The following CNTNAP4 variants were observed in gnomAD, a reference collection of about 807,000 sequenced individuals.
CNTNAP4 encodes contactin-associated protein-like 4.
A neutral mutation model predicts 148.4 loss-of-function variants in CNTNAP4; 98 were observed. The ratio of observed to expected loss-of-function variants is 0.66; its 90% CI spans 0.56 to 0.78. The LOEUF is 0.78. Ranked by LOEUF, CNTNAP4 falls within the 30% of genes least tolerant of loss-of-function variation. The pLI, the probability that CNTNAP4 is intolerant of heterozygous loss-of-function variation, is 0.00. For synonymous variants in CNTNAP4, 730 were observed against 565.1 expected (o/e 1.29, Z -4.14); for missense variants, 1,935 against 1,565.6 (o/e 1.24, Z -3.98).
At chr16:76,324,165 G>A (rs901890643) in intron 2 of CNTNAP4, among the ~76,000 whole-genome samples, 4 of 152,132 alleles carry the variant, frequency 2.6e-5, no homozygotes, top group Admixed American at 2.6e-4. Context: ...GGATGCTCCC[G>A]CCTTAGGAGA....
intron 12 of CNTNAP4, among the ~76,000 whole-genome samples, chr16:76,486,244 T>C (rs2082021277): frequency 6.6e-6 from 1 of 152,164 alleles, no homozygotes; most frequent in African/African-American, 2.4e-5. Context: ...TAAAAGATAA[T>C]TGGTAATAAA....
intron 21 of CNTNAP4, among the ~76,000 whole-genome samples, chr16:76,543,292 T>C (rs1202733590): frequency 6.6e-6 from 1 of 152,204 alleles, no homozygotes; most frequent in Non-Finnish European, 1.5e-5. Flanking sequence ...TTTTGTGTGG[T>C]ATATGAATTT....
chr16:76,332,777 C>T (rs1159194631), intron 2 of CNTNAP4, among the ~76,000 whole-genome samples: 1 of 151,938 alleles, frequency 6.6e-6, no homozygotes, highest in African/African-American at 2.4e-5. Context: ...TGATCCTAGC[C>T]AACCAGCTTT....
Position 76,400,894 on chromosome 16 carries a change from C to T in CNTNAP4, c.391-26558C>T, listed in dbSNP as rs181654403. The stretch of plus-strand genomic sequence containing the variant: ...GGGTACTCTGTTCTGTTCCACTGGT[C>T]TATGTGTCTGTTTGATACCATTACC... On this transcript the variant is annotated intron_variant, in intron 3 of 23. Transcript: ENST00000611870. Among the ~76,000 whole-genome samples, 16 of 152,148 alleles carry T rather than the reference C, an allele frequency of 1.1e-4. No homozygotes were observed. The East Asian group carries it at 1.9e-3, about 18-fold the overall frequency.
At chr16:76,329,441 A>G (rs953066750) in intron 2 of CNTNAP4, among the ~76,000 whole-genome samples, 18 of 152,308 alleles carry the variant, frequency 1.2e-4, no homozygotes, top group African/African-American at 4.1e-4. Flanking sequence ...ATAATTTAAA[A>G]TCTGTTCCCG....
intron 13 of CNTNAP4, among the ~76,000 whole-genome samples, chr16:76,494,537 G>T (rs1314094528): frequency 6.6e-6 from 1 of 151,738 alleles, no homozygotes; most frequent in Non-Finnish European, 1.5e-5. Flanking sequence ...ATTTTGCTTT[G>T]GTATGTTAAT....
chr16:76,430,176 T>C (rs1287733493), intron 4 of CNTNAP4, among the ~76,000 whole-genome samples: 1 of 152,218 alleles, frequency 6.6e-6, no homozygotes, highest in Non-Finnish European at 1.5e-5. Context: ...TGATATTATA[T>C]AGCCATCATT....
intron 14 of CNTNAP4, among the ~76,000 whole-genome samples, chr16:76,498,004 T>C (rs1270253453): frequency 2.6e-5 from 4 of 152,226 alleles, no homozygotes; most frequent in South Asian, 4.1e-4. Context: ...AAATTGTCCA[T>C]TGAATTAAAA....
intron 1 of CNTNAP4, among the ~76,000 whole-genome samples, chr16:76,304,743 A>G (rs971878985): frequency 1.9e-4 from 29 of 152,154 alleles, no homozygotes; most frequent in African/African-American, 7.0e-4. Flanking sequence ...AGTGGGCAAT[A>G]TTTTGAGGCA....
intron 3 of CNTNAP4, among the ~76,000 whole-genome samples, chr16:76,365,648 A>C (rs192121680): frequency 6.7e-6 from 1 of 149,922 alleles, no homozygotes; most frequent in Non-Finnish European, 1.5e-5. Flanking sequence ...GCTACTTGCG[A>C]GGCTGAGGCA....
intron 2 of CNTNAP4, among the ~76,000 whole-genome samples, chr16:76,324,782 C>G (rs752656359): frequency 5.3e-5 from 8 of 152,110 alleles, no homozygotes. Context: ...GGTACTTACT[C>G]ATGAAAAGAG....
intron 3 of CNTNAP4, among the ~76,000 whole-genome samples, chr16:76,369,858 G>GGAGA (rs111937036): frequency 6.7e-6 from 1 of 150,256 alleles, no homozygotes; most frequent in Non-Finnish European, 1.5e-5. Flanking sequence ...AGGGAGGGAG[G>GGAGA]GAGAGAGAGA....
chr16:76,310,630 A>T (rs1201335490), intron 1 of CNTNAP4, among the ~76,000 whole-genome samples: 1 of 152,094 alleles, frequency 6.6e-6, no homozygotes, highest in Non-Finnish European at 1.5e-5. Flanking sequence ...GATTTAAACT[A>T]TGTTTGCTAC....
At chr16:76,346,796 A>G (rs1377148152) in intron 2 of CNTNAP4, among the ~76,000 whole-genome samples, 11 of 152,212 alleles carry the variant, frequency 7.2e-5, no homozygotes, top group Admixed American at 7.2e-4. Flanking sequence ...AAATTTGCAA[A>G]TCAAATACAC....
At chr16:76,368,878 C>T (rs766210616) in intron 3 of CNTNAP4, among the ~76,000 whole-genome samples, 1 of 151,956 alleles carries the variant, frequency 6.6e-6, no homozygotes, top group Non-Finnish European at 1.5e-5. Flanking sequence ...TTACACTCGC[C>T]CCATTTGAAG....
chr16:76,510,069 C>G (rs1466210333), intron 15 of CNTNAP4, among the ~76,000 whole-genome samples: 1 of 41,652 alleles, frequency 2.4e-5, no homozygotes, highest in African/African-American at 3.6e-5. Context: ...TTTGAGCAAC[C>G]ATCACCATAA....
chr16:76,395,238 T>C (rs566593249), intron 3 of CNTNAP4, among the ~76,000 whole-genome samples: 119 of 151,856 alleles, frequency 7.8e-4, no homozygotes, highest in Non-Finnish European at 1.5e-3. Flanking sequence ...TATTAATTTT[T>C]TTTAACTTTA....
rs147873764 is a variant in CNTNAP4, at chr16:76,452,575, A to G, written c.1139A>G (p.Tyr380Cys). 1.4e-5 allele frequency: 22 copies of G among 1,614,006 alleles called. No homozygotes were observed. In the East Asian group the frequency reaches 4.9e-4, roughly 36 times the overall value. The change falls in exon 8 of 24, where the codon TAT becomes TGT. Residue 380 changes from tyrosine (Y) to cysteine (C), a missense_variant. Physicochemically the swap from Tyr to Cys is radical, Grantham distance 194. Coordinates refer to ENST00000611870, the MANE Select transcript of CNTNAP4 (RefSeq NM_033401.5). ...MPVTFLSSRS[Y>C]LALPDFSGEE... is the part of the protein sequence containing the mutation. ...GTGACTTTTCTGAGCTCCAGGAGTTATTTAGCACTGCCAGACTTCTCTGGA... is the reference window on the plus strand; with the variant it reads ...GTGACTTTTCTGAGCTCCAGGAGTTGTTTAGCACTGCCAGACTTCTCTGGA...
At chr16:76,420,726 C>A (rs1336503266) in intron 3 of CNTNAP4, among the ~76,000 whole-genome samples, 1 of 152,048 alleles carries the variant, frequency 6.6e-6, no homozygotes, top group Admixed American at 6.6e-5. Flanking sequence ...TGTTTCTCCT[C>A]TTCAGAAATC....
Sources: allele counts gnomAD v4.1 joint callset (sites outside exome capture counted in the v4.1 genomes callset), GRCh38; gene constraint gnomAD v4.1.1; transcripts MANE v1.5; gene names NCBI Gene and HGNC (gene_info 2026-07-23, HGNC 2026-07-21).